FBXL7: variants seen among roughly 807,000 people sequenced by gnomAD.
FBXL7 encodes the protein F-box/LRR-repeat protein 7.
Under a neutral mutation model 38.3 loss-of-function variants are expected in FBXL7, and 12 were observed. That is an observed-to-expected ratio of 0.31 (90% CI 0.20 to 0.51). The LOEUF is 0.51. Ranked by LOEUF, FBXL7 falls within the 20% of genes least tolerant of loss-of-function variation. The pLI is 0.98. For synonymous variants in FBXL7, 297 were observed against 300.9 expected (o/e 0.99, Z 0.13); for missense variants, 567 against 676.4 (o/e 0.84, Z 1.79).
At position 15,818,374 on chromosome 5, in the gene FBXL7, TG is replaced by T. The variant is rs572556533; in HGVS notation, c.128-109512del. 4.9e-3 allele frequency among the ~76,000 whole-genome samples: 739 copies of T among 152,294 alleles called. 3 individuals are homozygous for T. The highest frequency in any genetic ancestry group is 7.0e-3 in the Non-Finnish European group (475 of 68,012). ...ATCCCTTCTTATCCATATGTCTTCC[TG>T]GGGAAGCCCATTTCTAAGTTTTTTG... On this transcript the variant is annotated intron_variant, in intron 2 of 3. Transcript: ENST00000504595.
chr5:15,872,893 A>C (rs1380337340), intron 2 of FBXL7, among the ~76,000 whole-genome samples: 1 of 152,156 alleles, frequency 6.6e-6, no homozygotes, highest in Non-Finnish European at 1.5e-5. Flanking sequence ...ATTAAGAAGG[A>C]TATTCAGGAC....
At chr5:15,837,559 G>C (rs940397379) in intron 2 of FBXL7, among the ~76,000 whole-genome samples, 1 of 152,136 alleles carries the variant, frequency 6.6e-6, no homozygotes, top group Non-Finnish European at 1.5e-5. Context: ...TAGGAAAAGC[G>C]TGCTTAGATT....
intron 1 of FBXL7, among the ~76,000 whole-genome samples, chr5:15,574,183 A>G (rs543414479): frequency 1.3e-4 from 20 of 152,366 alleles, no homozygotes; most frequent in African/African-American, 4.3e-4. Context: ...TAAAATTCAG[A>G]AATACTTTAT....
intron 2 of FBXL7, among the ~76,000 whole-genome samples, chr5:15,842,968 G>C (rs1444751650): frequency 1.3e-5 from 2 of 152,104 alleles, no homozygotes; most frequent in African/African-American, 4.8e-5. Flanking sequence ...CATTGGCAAA[G>C]TTTTACCTTT....
At chr5:15,919,437 TTCC>T (rs1385485816) in intron 2 of FBXL7, among the ~76,000 whole-genome samples, 2 of 152,178 alleles carry the variant, frequency 1.3e-5, no homozygotes. Context: ...AGGATTTTTT[TTCC>T]CCAGAAAAAG....
intron 2 of FBXL7, among the ~76,000 whole-genome samples, chr5:15,894,997 T>G (rs1050511948): frequency 7.9e-5 from 12 of 152,334 alleles, no homozygotes; most frequent in African/African-American, 2.9e-4. Flanking sequence ...GTGTGATGTT[T>G]CAGGTATTGA....
intron 2 of FBXL7, among the ~76,000 whole-genome samples, chr5:15,762,502 G>A (rs1263285405): frequency 6.6e-6 from 1 of 152,118 alleles, no homozygotes; most frequent in East Asian, 1.9e-4. Context: ...ACTCAGAGTA[G>A]ATTTAAAGTT....
rs544432264 is a variant in FBXL7 at position 15,669,618 on chromosome 5, ACT to A, written c.127+53551_127+53552del. On this transcript the variant is annotated intron_variant, in intron 2 of 3. Coordinates refer to ENST00000504595, the MANE Select transcript of FBXL7 (RefSeq NM_012304.5). ...ATCAGCCCTGCATCTTGTTCTGACA[ACT>A]CTCTGTCCTCTGCAGCTCCTTCCGT... Among the ~76,000 whole-genome samples, 6 of 151,652 alleles carry A rather than the reference ACT, an allele frequency of 4.0e-5. 1 individual carries two copies. The South Asian group carries it at 1.1e-3, about 27-fold the overall frequency.
intron 2 of FBXL7, among the ~76,000 whole-genome samples, chr5:15,769,183 C>T (rs1183300459): frequency 6.6e-6 from 1 of 152,090 alleles, no homozygotes. Flanking sequence ...TGGGGGAGTG[C>T]GAGAAGACTG....
At chr5:15,513,021 T>C (rs115567898) in intron 1 of FBXL7, among the ~76,000 whole-genome samples, 1,757 of 152,330 alleles carry the variant, frequency 0.012, 21 homozygotes, top group Middle Eastern at 0.051. Flanking sequence ...TAGCTCTAGT[T>C]TTATCCTTTT....
intron 2 of FBXL7, among the ~76,000 whole-genome samples, chr5:15,801,082 C>T (rs908801614): frequency 1.3e-5 from 2 of 152,172 alleles, no homozygotes; most frequent in African/African-American, 4.8e-5. Context: ...AGCTTTTGCT[C>T]TTAGGATGTT....
chr5:15,758,170 T>A (rs17602672), intron 2 of FBXL7, among the ~76,000 whole-genome samples: 2 of 151,986 alleles, frequency 1.3e-5, no homozygotes, highest in Admixed American at 1.3e-4. Context: ...TAAAATCGCC[T>A]CATATCTTAC....
intron 2 of FBXL7, among the ~76,000 whole-genome samples, chr5:15,789,368 A>C (rs1737216001): frequency 6.6e-6 from 1 of 152,122 alleles, no homozygotes; most frequent in African/African-American, 2.4e-5. Context: ...CGAATAACAG[A>C]CTTTCAGATA....
chr5:15,727,094 C>T (rs140734706), intron 2 of FBXL7, among the ~76,000 whole-genome samples: 61 of 152,230 alleles, frequency 4.0e-4, no homozygotes, highest in Middle Eastern at 3.4e-3. Flanking sequence ...CAATAACATA[C>T]GAAAACTCTG....
intron 2 of FBXL7, among the ~76,000 whole-genome samples, chr5:15,727,694 A>G (rs1158529145): frequency 1.3e-4 from 20 of 152,060 alleles, no homozygotes; most frequent in Admixed American, 1.1e-3. Context: ...GAATCTTGGT[A>G]TGGGTCACTT....
chr5:15,793,256 G>A (rs1486254763), intron 2 of FBXL7, among the ~76,000 whole-genome samples: 4 of 152,176 alleles, frequency 2.6e-5, no homozygotes, highest in Non-Finnish European at 5.9e-5. Flanking sequence ...ATTCTTTCAT[G>A]GTTCTGGAGG....
chr5:15,610,374 C>T (rs1449060233), intron 1 of FBXL7, among the ~76,000 whole-genome samples: 1 of 152,162 alleles, frequency 6.6e-6, no homozygotes, highest in Non-Finnish European at 1.5e-5. Flanking sequence ...TTCACACCAC[C>T]TCCCTCTTAT....
intron 1 of FBXL7, among the ~76,000 whole-genome samples, chr5:15,554,165 A>G (rs1738166192): frequency 6.6e-6 from 1 of 152,156 alleles, no homozygotes; most frequent in Non-Finnish European, 1.5e-5. Context: ...CCTGGTTCCC[A>G]TCTTGAGAAT....
chr5:15,601,448 C>T (rs1329875222), intron 1 of FBXL7, among the ~76,000 whole-genome samples: 2 of 152,188 alleles, frequency 1.3e-5, no homozygotes, highest in Non-Finnish European at 2.9e-5. Flanking sequence ...CATCTGTCAG[C>T]AGCCGCAGCA....
Sources: allele counts gnomAD v4.1 joint callset (sites outside exome capture counted in the v4.1 genomes callset), GRCh38; gene constraint gnomAD v4.1.1; transcripts MANE v1.5; gene names NCBI Gene and HGNC (gene_info 2026-07-23, HGNC 2026-07-21).